Variants in PCDH15 observed in about 807,000 individuals in gnomAD.
The protein encoded by PCDH15 is protocadherin-15.
Under a neutral mutation model 178.5 loss-of-function variants are expected in PCDH15, and 129 were observed. The ratio of observed to expected loss-of-function variants is 0.72; its 90% CI spans 0.63 to 0.84. The LOEUF is 0.84. Ranked by LOEUF, PCDH15 falls within the 40% of genes least tolerant of loss-of-function variation. The probability of loss-of-function intolerance (pLI) is 0.00; values close to 1 mark genes in which losing one functional copy is unlikely to be tolerated. For missense variants in PCDH15, 2,230 were observed against 2,099.9 expected (o/e 1.06, Z -1.21); for synonymous variants, 800 against 732.0 (o/e 1.09, Z -1.50).
intron 3 of PCDH15, among the ~76,000 whole-genome samples, chr10:54,494,253 G>T (rs556417198): frequency 1.4e-4 from 22 of 151,864 alleles, no homozygotes; most frequent in African/African-American, 5.1e-4. Context: ...ATAATAAAAA[G>T]AAACTCCCCC....
intron 1 of PCDH15, among the ~76,000 whole-genome samples, chr10:55,239,611 C>T (rs917536080): frequency 6.6e-6 from 1 of 152,068 alleles, no homozygotes; most frequent in African/African-American, 2.4e-5. Flanking sequence ...GAAAAACATT[C>T]CAGAACATTT....
chr10:55,409,725 C>T (rs1409796512), intron 2 of PCDH15, among the ~76,000 whole-genome samples: 2 of 152,098 alleles, frequency 1.3e-5, no homozygotes, highest in Admixed American at 1.3e-4. Flanking sequence ...AAAACATACA[C>T]AGCTCTGTGT....
rs200113982 is a variant in PCDH15 at position 55,325,371 on chromosome 10, AC to A, written c.-155-158721del. Among the ~76,000 whole-genome samples the A allele has an allele frequency of 9.5e-3, 1,442 of 152,218 alleles. 9 individuals are homozygous for A. The highest frequency in any genetic ancestry group is 0.015 in the Non-Finnish European group (1,044 of 67,988). On this transcript the variant is annotated intron_variant, in intron 2 of 5. Coordinates refer to the PCDH15 transcript ENST00000613346. ...AGCATGGTATGGTACAGAAACAGAC[AC>A]ATAGACCAGTGGAACAGAATAAAGA...
intron 29 of PCDH15, among the ~76,000 whole-genome samples, chr10:53,839,372 T>C (rs937172919): frequency 1.3e-5 from 2 of 152,016 alleles, no homozygotes; most frequent in African/African-American, 4.8e-5. Context: ...TTTATTAATT[T>C]GAATAAAAAT....
At chr10:55,469,812 T>A (rs918808419) in intron 2 of PCDH15, among the ~76,000 whole-genome samples, 5 of 152,100 alleles carry the variant, frequency 3.3e-5, no homozygotes, top group African/African-American at 1.2e-4. Flanking sequence ...TTTCTCAAAA[T>A]TTTAATAATG....
At chr10:54,172,436 C>G (rs1387343087) in intron 13 of PCDH15, among the ~76,000 whole-genome samples, 1 of 152,058 alleles carries the variant, frequency 6.6e-6, no homozygotes, top group East Asian at 1.9e-4. Flanking sequence ...CCCGCCTGCA[C>G]CCGGGTGAAA....
chr10:54,493,391 C>T (rs1013546343), intron 3 of PCDH15, among the ~76,000 whole-genome samples: 3 of 152,048 alleles, frequency 2.0e-5, no homozygotes, highest in Non-Finnish European at 2.9e-5. Flanking sequence ...CAGCATTTTA[C>T]ATCAGAGTAC....
intron 3 of PCDH15, among the ~76,000 whole-genome samples, chr10:54,391,821 T>C (rs551871963): frequency 1.3e-5 from 2 of 152,262 alleles, no homozygotes; most frequent in East Asian, 3.9e-4. Context: ...AGAGTGGATG[T>C]AAAAGGCAAA....
At chr10:54,929,117 C>T (rs1837703308) in intron 2 of PCDH15, among the ~76,000 whole-genome samples, 1 of 152,066 alleles carries the variant, frequency 6.6e-6, no homozygotes, top group Admixed American at 6.6e-5. Flanking sequence ...TCCTTTTATC[C>T]TATTTGATGA....
intron 1 of PCDH15, among the ~76,000 whole-genome samples, chr10:54,702,362 T>C (rs2095317407): frequency 6.8e-6 from 1 of 146,758 alleles, no homozygotes. Flanking sequence ...AAAACCAGAG[T>C]CAGATCTGAA....
At chr10:53,882,666 A>G (rs968639497) in intron 26 of PCDH15, among the ~76,000 whole-genome samples, 5 of 152,100 alleles carry the variant, frequency 3.3e-5, no homozygotes, top group African/African-American at 1.2e-4. Context: ...CCTGACCCCA[A>G]CTGCTATTTT....
intron 5 of PCDH15, among the ~76,000 whole-genome samples, chr10:54,362,111 G>T (rs1445798201): frequency 6.6e-6 from 1 of 151,960 alleles, no homozygotes; most frequent in East Asian, 1.9e-4. Flanking sequence ...AATTTGCTTG[G>T]CACACAATGC....
At chr10:55,079,017 T>C (rs545790279) in intron 2 of PCDH15, among the ~76,000 whole-genome samples, 1 of 152,292 alleles carries the variant, frequency 6.6e-6, no homozygotes, top group South Asian at 2.1e-4. Flanking sequence ...TGTTTCTTTG[T>C]ATTGTTTTTC....
chr10:54,988,243 C>CCA (rs1180064057), intron 2 of PCDH15, among the ~76,000 whole-genome samples: 2 of 152,060 alleles, frequency 1.3e-5, no homozygotes, highest in Non-Finnish European at 2.9e-5. Flanking sequence ...GGTACTAGTA[C>CCA]CACACTGTTT....
intron 2 of PCDH15, among the ~76,000 whole-genome samples, chr10:54,958,246 C>A (rs1299213115): frequency 3.0e-5 from 2 of 67,084 alleles, no homozygotes; most frequent in East Asian, 6.1e-4. Flanking sequence ...TCTTTTTTTT[C>A]TCTTGGTAAT....
chr10:53,870,742 G>A (rs1406721287), intron 26 of PCDH15, among the ~76,000 whole-genome samples: 1 of 152,112 alleles, frequency 6.6e-6, no homozygotes, highest in Non-Finnish European at 1.5e-5. Flanking sequence ...GACTCTGATT[G>A]ATGTGGAGCA....
At chr10:54,672,679 A>C (rs941235583) in intron 1 of PCDH15, among the ~76,000 whole-genome samples, 4 of 152,186 alleles carry the variant, frequency 2.6e-5, no homozygotes, top group Admixed American at 2.6e-4. Context: ...ATTGCATTCC[A>C]TATTGTTAAT....
chr10:55,259,034 G>C (rs1051989512), intron 1 of PCDH15, among the ~76,000 whole-genome samples: 2 of 152,024 alleles, frequency 1.3e-5, no homozygotes, highest in Non-Finnish European at 1.5e-5. Context: ...AATTGGTCAG[G>C]CAGATGGATT....
intron 26 of PCDH15, among the ~76,000 whole-genome samples, chr10:53,899,564 T>C (rs1010806828): frequency 1.3e-5 from 2 of 152,202 alleles, no homozygotes; most frequent in South Asian, 2.1e-4. Context: ...CTTTTATCAT[T>C]CTGCGTTATA....
Sources: allele counts gnomAD v4.1 joint callset (sites outside exome capture counted in the v4.1 genomes callset), GRCh38; gene constraint gnomAD v4.1.1; transcripts MANE v1.5; gene names NCBI Gene and HGNC (gene_info 2026-07-23, HGNC 2026-07-21).